Variants in HSPA12A observed in about 807,000 individuals in gnomAD.
HSPA12A encodes heat shock 70 kDa protein 12A.
A neutral mutation model predicts 69.2 loss-of-function variants in HSPA12A; 28 were observed. That is an observed-to-expected ratio of 0.40 (90% CI 0.30 to 0.55). The LOEUF is 0.55. Among genes scored for constraint, HSPA12A ranks in the 20% least tolerant of loss-of-function variants. The pLI is 0.38. For synonymous variants in HSPA12A, 345 were observed against 370.5 expected (o/e 0.93, Z 0.79); for missense variants, 686 against 900.7 (o/e 0.76, Z 3.05).
chr10:116,847,830 A>G (rs528526512), intron 1 of HSPA12A, among the ~76,000 whole-genome samples: 1 of 152,336 alleles, frequency 6.6e-6, no homozygotes, highest in Non-Finnish European at 1.5e-5. Flanking sequence ...GTCCCAGCCC[A>G]GGATACTCGC....
upstream of HSPA12A, among the ~76,000 whole-genome samples, chr10:116,743,560 G>A (rs181639424): frequency 9.2e-5 from 14 of 152,354 alleles, no homozygotes; most frequent in East Asian, 2.7e-3. Flanking sequence ...CCCAGCAGGT[G>A]AGTCGCGGAG....
chr10:116,725,829 C>T (rs1589663530), intron 1 of HSPA12A, among the ~76,000 whole-genome samples: 1 of 152,028 alleles, frequency 6.6e-6, no homozygotes, highest in Non-Finnish European at 1.5e-5. Context: ...GCTCTTCCCT[C>T]CCCCAACCCC....
chr10:116,838,424 A>AG (rs991403200), intron 1 of HSPA12A, among the ~76,000 whole-genome samples: 5 of 150,940 alleles, frequency 3.3e-5, no homozygotes, highest in African/African-American at 7.4e-5. Context: ...ATATTTCTGG[A>AG]GGGGGGGAAA....
intron 2 of HSPA12A, among the ~76,000 whole-genome samples, chr10:116,780,638 T>C (rs2133134616): frequency 6.6e-6 from 1 of 152,308 alleles, no homozygotes; most frequent in East Asian, 1.9e-4. Context: ...CAGGTAGGAT[T>C]ACCAGGGAAC....
chr10:116,781,375 G>C (rs1223895133), intron 2 of HSPA12A, among the ~76,000 whole-genome samples: 1 of 152,114 alleles, frequency 6.6e-6, no homozygotes, highest in African/African-American at 2.4e-5. Flanking sequence ...TGATGATGAT[G>C]ATGATGAATG....
At chr10:116,774,562 G>C (rs1227624731) in intron 2 of HSPA12A, among the ~76,000 whole-genome samples, 1 of 152,206 alleles carries the variant, frequency 6.6e-6, no homozygotes, top group Non-Finnish European at 1.5e-5. Context: ...ATAAAGAAAT[G>C]TCAATGGTGC....
intron 2 of HSPA12A, among the ~76,000 whole-genome samples, chr10:116,822,642 T>A (rs2133199415): frequency 6.6e-6 from 1 of 152,274 alleles, no homozygotes; most frequent in Admixed American, 6.5e-5. Flanking sequence ...AGGCTACAAT[T>A]TAATGTTCTC....
intron 1 of HSPA12A, among the ~76,000 whole-genome samples, chr10:116,720,086 A>G (rs1850726725): frequency 6.6e-6 from 1 of 152,224 alleles, no homozygotes; most frequent in Admixed American, 6.5e-5. Context: ...TGAATACTAT[A>G]AACCACTGAA....
chr10:116,803,439 T>C (rs1435085323), intron 2 of HSPA12A, among the ~76,000 whole-genome samples: 1 of 152,140 alleles, frequency 6.6e-6, no homozygotes, highest in African/African-American at 2.4e-5. Flanking sequence ...TCTGCTTCGG[T>C]ATCTAACCCC....
chr10:116,682,455 T>TG (rs782049148), intron 7 of HSPA12A, among the ~76,000 whole-genome samples: 6,639 of 127,420 alleles, frequency 0.052, 273 homozygotes, highest in African/African-American at 0.12. Flanking sequence ...GTAAATAGAC[T>TG]GGGGGGGGGG....
intron 9 of HSPA12A, among the ~76,000 whole-genome samples, chr10:116,680,287 G>A (rs1849365356): frequency 6.6e-6 from 1 of 152,140 alleles, no homozygotes; most frequent in African/African-American, 2.4e-5. Context: ...ACCACTCCCA[G>A]CCAACAATCT....
intron 1 of HSPA12A, among the ~76,000 whole-genome samples, chr10:116,737,872 C>T (rs1589674390): frequency 6.6e-6 from 1 of 152,164 alleles, no homozygotes; most frequent in Non-Finnish European, 1.5e-5. Flanking sequence ...CAGCAGGGCC[C>T]GCTTCAGTGG....
chr10:116,844,550 T>A (rs1845849183), intron 1 of HSPA12A, among the ~76,000 whole-genome samples: 1 of 152,250 alleles, frequency 6.6e-6, no homozygotes, highest in Admixed American at 6.5e-5. Flanking sequence ...TGAGGAATCT[T>A]ATTTCCTATG....
At chr10:116,742,346 G>A (rs1268895499) in intron 1 of HSPA12A, 84 bp downstream of exon 1, 1 of 1,311,936 alleles carries the variant, frequency 7.6e-7, no homozygotes, top group Non-Finnish European at 9.8e-7. Flanking sequence ...CGGCGCGCGA[G>A]GGGGTGCGGA....
intron 2 of HSPA12A, among the ~76,000 whole-genome samples, chr10:116,810,549 C>G (rs904711952): frequency 1.3e-5 from 2 of 152,180 alleles, no homozygotes; most frequent in Non-Finnish European, 1.5e-5. Context: ...TGTCACTTAT[C>G]AGAAAAATTA....
At chr10:116,849,335 G>C (rs1406137672) in intron 1 of HSPA12A, among the ~76,000 whole-genome samples, 1 of 152,232 alleles carries the variant, frequency 6.6e-6, no homozygotes, top group African/African-American at 2.4e-5. Flanking sequence ...AGTCTCGGGA[G>C]TCTAGGAGGA....
intron 2 of HSPA12A, chr10:116,750,117 T>C (rs1264755010): frequency 6.7e-5 from 34 of 506,530 alleles, no homozygotes; most frequent in Non-Finnish European, 1.0e-4. Context: ...GAAGGGGATA[T>C]GATAATGTGT....
intron 11 of HSPA12A, 80 bp downstream of exon 11, chr10:116,676,319 C>T: frequency 8.5e-7 from 1 of 1,182,966 alleles, no homozygotes; most frequent in African/African-American, 1.5e-5. Flanking sequence ...ACTCCACAGG[C>T]ACCAGCTGGT....
At chr10:116,800,977 C>T (rs529473550) in intron 2 of HSPA12A, among the ~76,000 whole-genome samples, 3 of 152,264 alleles carry the variant, frequency 2.0e-5, no homozygotes, top group Admixed American at 1.3e-4. Flanking sequence ...GAACTCTGTC[C>T]GCCTGCAATT....
Sources: gnomAD v4.1 joint callset for allele counts (sites outside exome capture counted in the v4.1 genomes callset) on GRCh38, gnomAD v4.1.1 for gene constraint, MANE v1.5 for transcripts, NCBI Gene and HGNC (gene_info 2026-07-23, HGNC 2026-07-21) for gene names.